PCNX1: variants seen among roughly 807,000 people sequenced by gnomAD.
PCNX1 encodes the protein pecanex-like protein 1.
Under a neutral mutation model 242.2 loss-of-function variants are expected in PCNX1, and 78 were observed. That is an observed-to-expected ratio of 0.32 (90% CI 0.27 to 0.39). PCNX1 has a LOEUF of 0.39. PCNX1 is among the 10% of genes least tolerant of loss of function. The pLI is 1.00. For synonymous variants in PCNX1, 1,024 were observed against 1,032.9 expected (o/e 0.99, Z 0.17); for missense variants, 2,581 against 2,856.5 (o/e 0.90, Z 2.20).
chr14:71,108,466 A>G (rs2062682555), intron 33 of PCNX1, 138 bp from the exon 34 acceptor site: 1 of 576,898 alleles, frequency 1.7e-6, no homozygotes, highest in Admixed American at 3.4e-5. Context: ...CTTAACTTTA[A>G]AAGTTTTAGG....
chr14:71,031,172 G>A (rs566250372), intron 16 of PCNX1, among the ~76,000 whole-genome samples: 16 of 152,172 alleles, frequency 1.1e-4, no homozygotes, highest in Non-Finnish European at 2.2e-4. Flanking sequence ...ACATATCTGC[G>A]AATTAAAATG....
intron 28 of PCNX1, among the ~76,000 whole-genome samples, chr14:71,082,755 A>T (rs993474444): frequency 1.3e-5 from 2 of 152,016 alleles, no homozygotes; most frequent in African/African-American, 4.8e-5. Flanking sequence ...TGCACATGAG[A>T]TGGATCTCCT....
chr14:71,021,897 G>C (rs976177587), intron 12 of PCNX1, among the ~76,000 whole-genome samples: 2 of 151,248 alleles, frequency 1.3e-5, no homozygotes, highest in Non-Finnish European at 2.9e-5. Context: ...TTATCTTCTC[G>C]GTTTACAGTT....
chr14:70,992,540 T>G (rs1194429325), intron 7 of PCNX1, among the ~76,000 whole-genome samples: 3 of 132,066 alleles, frequency 2.3e-5, no homozygotes, highest in African/African-American at 9.2e-5. Flanking sequence ...GAGAGACACA[T>G]AGAAAGGTAA....
chr14:71,069,657 A>G (rs2061541695), intron 26 of PCNX1, among the ~76,000 whole-genome samples: 1 of 152,244 alleles, frequency 6.6e-6, no homozygotes, highest in African/African-American at 2.4e-5. Context: ...TAAATGTGCA[A>G]TAGCATTATG....
intron 8 of PCNX1, among the ~76,000 whole-genome samples, chr14:71,007,283 A>G (rs563255776): frequency 6.6e-6 from 1 of 152,156 alleles, no homozygotes; most frequent in African/African-American, 2.4e-5. Flanking sequence ...AAAAGACAAC[A>G]TGGTAGTATA....
intron 12 of PCNX1, among the ~76,000 whole-genome samples, chr14:71,020,268 A>C (rs1007472790): frequency 1.3e-5 from 2 of 152,180 alleles, no homozygotes; most frequent in African/African-American, 2.4e-5. Context: ...TTTATAGCAG[A>C]ATGATTTATA....
chr14:71,081,690 T>C (rs975547421), intron 28 of PCNX1, among the ~76,000 whole-genome samples: 3 of 152,216 alleles, frequency 2.0e-5, no homozygotes, highest in Admixed American at 6.5e-5. Context: ...TAGTTTGTAT[T>C]TCTGTGGGAT....
intron 18 of PCNX1, among the ~76,000 whole-genome samples, chr14:71,035,587 C>G (rs2060506391): frequency 1.3e-5 from 2 of 148,628 alleles, no homozygotes; most frequent in African/African-American, 5.0e-5. Context: ...TGGTGAAACC[C>G]TGTCTCTACT....
chr14:71,002,796 G>A (rs558254670), intron 8 of PCNX1, among the ~76,000 whole-genome samples: 18 of 152,212 alleles, frequency 1.2e-4, no homozygotes, highest in Admixed American at 2.6e-4. Flanking sequence ...TTTGGCTGTT[G>A]TGAATAAAAT....
At chr14:71,054,560 T>C (rs1179091808) in intron 24 of PCNX1, among the ~76,000 whole-genome samples, 1 of 152,184 alleles carries the variant, frequency 6.6e-6, no homozygotes, top group Non-Finnish European at 1.5e-5. Context: ...CAGGCTCACT[T>C]TCTTTATTTT....
chr14:70,989,307 C>T (rs2059089443), intron 7 of PCNX1, among the ~76,000 whole-genome samples: 1 of 151,446 alleles, frequency 6.6e-6, no homozygotes, highest in Non-Finnish European at 1.5e-5. Context: ...TTAAATTTTT[C>T]AAGCTCTGTA....
At chr14:70,970,910 A>G (rs1358012199) in intron 5 of PCNX1, among the ~76,000 whole-genome samples, 1 of 152,140 alleles carries the variant, frequency 6.6e-6, no homozygotes, top group Non-Finnish European at 1.5e-5. Context: ...TAAGCATTTT[A>G]TATGCATTTA....
chr14:71,021,928 T>C (rs111872962), intron 12 of PCNX1, among the ~76,000 whole-genome samples: 6 of 152,192 alleles, frequency 3.9e-5, no homozygotes, highest in African/African-American at 1.4e-4. Context: ...GAAGTCATCC[T>C]TTTTTATTGC....
At chr14:70,994,551 A>C (rs921012641) in intron 7 of PCNX1, among the ~76,000 whole-genome samples, 10 of 151,236 alleles carry the variant, frequency 6.6e-5, no homozygotes, top group Non-Finnish European at 1.0e-4. Context: ...AGATGTTGAT[A>C]CTCATGAAAA....
chr14:71,007,347 T>C (rs927422682), intron 8 of PCNX1, among the ~76,000 whole-genome samples: 1 of 152,088 alleles, frequency 6.6e-6, no homozygotes, highest in Non-Finnish European at 1.5e-5. Flanking sequence ...ATAATATCTT[T>C]AGTTGATTTT....
At chr14:71,033,779 T>A (rs1320049855) in intron 17 of PCNX1, 152 bp from the exon 18 acceptor site, 2 of 616,650 alleles carry the variant, frequency 3.2e-6, no homozygotes, top group African/African-American at 3.7e-5. Flanking sequence ...GTATGCTTAT[T>A]TATGGTATCC....
chr14:71,079,650 A>C (rs377334310), intron 28 of PCNX1, among the ~76,000 whole-genome samples: 1 of 151,980 alleles, frequency 6.6e-6, no homozygotes, highest in African/African-American at 2.4e-5. Flanking sequence ...ACTTTTTTTC[A>C]TATGTTTGTT....
Position 71,009,650 on chromosome 14 carries a change from G to C in PCNX1, c.2646G>C (p.Thr882=). The change falls in exon 9 of 36, where the codon ACG becomes ACC. Residue 882 remains threonine, a synonymous_variant. Transcript: ENST00000304743. ...LHDELGKFSS[T]LYETGGCDMS... ...ATTTGCTAGGTAAGTTCTCTTCTAC[G>C]CTGTATGAGACTGGTGGCTGTGATA... 6.3e-7 allele frequency: 1 copy of C among 1,588,274 alleles called. No individual in the cohort carries two copies. The highest frequency in any genetic ancestry group is 8.6e-7 in the Non-Finnish European group (1 of 1,161,892).
Sources: allele counts gnomAD v4.1 joint callset (sites outside exome capture counted in the v4.1 genomes callset), GRCh38; gene constraint gnomAD v4.1.1; transcripts MANE v1.5; gene names NCBI Gene and HGNC (gene_info 2026-07-23, HGNC 2026-07-21).